Variants in CTBP2 observed in about 807,000 individuals in gnomAD.
The protein encoded by CTBP2 is C-terminal binding protein 2, also known as C-terminal-binding protein 2.
Under a neutral mutation model 80.3 loss-of-function variants are expected in CTBP2, and 30 were observed. The ratio of observed to expected loss-of-function variants is 0.37; its 90% confidence interval spans 0.28 to 0.51. The LOEUF (loss-of-function observed/expected upper bound fraction) is 0.51, where lower values mean the gene tolerates loss of function less well. Among genes scored for constraint, CTBP2 ranks in the 20% least tolerant of loss-of-function variants. CTBP2 has a pLI of 0.93. For missense variants in CTBP2, 1,212 were observed against 1,375.3 expected (o/e 0.88, Z 1.88); for synonymous variants, 594 against 587.4 (o/e 1.01, Z -0.16).
At chr10:125,130,996 G>T (rs80025700) in intron 1 of CTBP2, among the ~76,000 whole-genome samples, 447 of 152,290 alleles carry the variant, frequency 2.9e-3, no homozygotes, top group African/African-American at 0.01. Context: ...GCCAAGACAC[G>T]ATCAGCTCTG....
chr10:125,025,944 C>T (rs958411259), intron 1 of CTBP2: 13 of 1,191,068 alleles, frequency 1.1e-5, no homozygotes, highest in South Asian at 9.3e-5. Flanking sequence ...CACAGTGCTG[C>T]GTCCTTCTTG....
At chr10:125,139,275 G>T (rs925162755) in intron 1 of CTBP2, among the ~76,000 whole-genome samples, 1 of 150,356 alleles carries the variant, frequency 6.7e-6, no homozygotes, top group Non-Finnish European at 1.5e-5. Flanking sequence ...GGAGGTTGAG[G>T]CATGAATTGC....
chr10:125,140,541 G>A (rs1857622126), intron 1 of CTBP2, among the ~76,000 whole-genome samples: 1 of 152,206 alleles, frequency 6.6e-6, no homozygotes, highest in Admixed American at 6.5e-5. Context: ...TAATATCAAG[G>A]GCCGGGTGCA....
At chr10:125,073,455 G>A (rs1233817921) in intron 2 of CTBP2, among the ~76,000 whole-genome samples, 1 of 152,204 alleles carries the variant, frequency 6.6e-6, no homozygotes, top group Non-Finnish European at 1.5e-5. Flanking sequence ...TGTTGGCCAG[G>A]CTGGTCAACT....
chr10:125,082,153 C>A (rs560284249), intron 2 of CTBP2, among the ~76,000 whole-genome samples: 2 of 152,244 alleles, frequency 1.3e-5, no homozygotes, highest in Non-Finnish European at 2.9e-5. Flanking sequence ...GGGCTGGCCA[C>A]GCCGGAGCTG....
chr10:124,992,640 T>A, intron 8 of CTBP2, 55 bp downstream of exon 10: 1 of 1,352,054 alleles, frequency 7.4e-7, no homozygotes, highest in East Asian at 2.4e-5. Flanking sequence ...CTTCTCTCCC[T>A]GGCCCCGGGG....
At chr10:124,996,757 G>C (rs7912679) in intron 4 of CTBP2, 36,321 of 152,062 alleles carry the variant, frequency 0.24, 6,425 homozygotes, top group African/African-American at 0.49. Flanking sequence ...AGGGGCTTCA[G>C]AGATGGAGAT....
chr10:125,115,774 T>C (rs1288394322), intron 1 of CTBP2, among the ~76,000 whole-genome samples: 2 of 152,094 alleles, frequency 1.3e-5, no homozygotes, highest in Non-Finnish European at 2.9e-5. Flanking sequence ...TCCCAAGCGT[T>C]CCCCTCCCTT....
rs918528036 is a variant in CTBP2 at position 125,027,690 on chromosome 10, C to G, written c.70G>C (p.Gly24Arg). ...AGGGACTCGGCGTTCTCCCAGGGGC[C>G]CTCGTACCACCCAGCAGCATCCCAG... The change falls in exon 1 of 9, where the codon GGC becomes CGC. Residue 24 changes from glycine (G) to arginine (R), a missense_variant. This residue lies in a region of CTBP2 where 848 missense variants were observed against 782.3 expected (regional missense o/e 1.08). Transcript: ENST00000309035. 1 of 1,613,736 alleles carries G rather than the reference C, an allele frequency of 6.2e-7. No homozygotes were observed. The highest frequency in any genetic ancestry group is 8.5e-7 in the Non-Finnish European group (1 of 1,179,964).
intron 1 of CTBP2, among the ~76,000 whole-genome samples, chr10:125,117,367 C>T (rs994831377): frequency 4.6e-5 from 7 of 152,142 alleles, no homozygotes; most frequent in African/African-American, 1.7e-4. Context: ...ACTCTGCCAC[C>T]GAGCACCACA....
chr10:125,116,400 C>A (rs557541215), intron 1 of CTBP2, among the ~76,000 whole-genome samples: 68 of 152,264 alleles, frequency 4.5e-4, no homozygotes, highest in Admixed American at 7.8e-4. Flanking sequence ...AAAATGGGCC[C>A]GTCACATGGG....
intron 2 of CTBP2, among the ~76,000 whole-genome samples, chr10:125,081,840 G>C (rs745856850): frequency 6.6e-6 from 1 of 152,110 alleles, no homozygotes; most frequent in Non-Finnish European, 1.5e-5. Context: ...GGGCGCTTCA[G>C]ATGGAAAGAC....
Position 125,116,393 on chromosome 10 carries a change from A to G in CTBP2, c.-205-5300T>C, listed in dbSNP as rs1036204748. Among the ~76,000 whole-genome samples the G allele has an allele frequency of 1.3e-5, 2 of 152,034 alleles. 1 individual carries two copies. Among genetic ancestry groups the G allele is most frequent in the South Asian group, 4.2e-4 (2 of 4,816 alleles). ...CACCCATGCTGACGGCCTTCTCAAA[A>G]TGGGCCCGTCACATGGGTACCCAGG... On this transcript the variant is annotated intron_variant, in intron 1 of 10. Transcript: ENST00000337195.
chr10:125,101,685 C>T (rs561108213), intron 2 of CTBP2, among the ~76,000 whole-genome samples: 19 of 152,216 alleles, frequency 1.2e-4, no homozygotes, highest in Non-Finnish European at 2.4e-4. Context: ...GAGTTCCGTT[C>T]GTCTTGCATC....
intron 1 of CTBP2, among the ~76,000 whole-genome samples, chr10:125,144,342 C>T (rs1383961616): frequency 3.9e-5 from 6 of 152,208 alleles, no homozygotes. Flanking sequence ...CTCGCTCGAT[C>T]ATTAATTAAC....
At chr10:125,092,604 C>T (rs536577979) in intron 2 of CTBP2, among the ~76,000 whole-genome samples, 1 of 152,182 alleles carries the variant, frequency 6.6e-6, no homozygotes, top group African/African-American at 2.4e-5. Context: ...GACACACACA[C>T]GGGCATGGCG....
At chr10:125,129,870 GAC>G (rs1324909466) in intron 1 of CTBP2, among the ~76,000 whole-genome samples, 1 of 152,062 alleles carries the variant, frequency 6.6e-6, no homozygotes, top group Non-Finnish European at 1.5e-5. Flanking sequence ...GGAGGTCCAG[GAC>G]ACGGTCAGGG....
intron 1 of CTBP2, among the ~76,000 whole-genome samples, chr10:125,128,665 A>G (rs1393194414): frequency 6.6e-6 from 1 of 152,212 alleles, no homozygotes; most frequent in Non-Finnish European, 1.5e-5. Flanking sequence ...CCAAGCAGAA[A>G]GCCAACGTTC....
chr10:125,150,482 A>G (rs1565049442), intron 1 of CTBP2, among the ~76,000 whole-genome samples: 1 of 152,096 alleles, frequency 6.6e-6, no homozygotes, highest in Admixed American at 6.5e-5. Flanking sequence ...TAGTGTGGCA[A>G]AGCCATCCCC....
Sources: allele counts gnomAD v4.1 joint callset (sites outside exome capture counted in the v4.1 genomes callset), GRCh38; gene constraint gnomAD v4.1.1; regional missense constraint gnomAD v4.1.1; transcripts MANE v1.5; gene names NCBI Gene and HGNC (gene_info 2026-07-23, HGNC 2026-07-21).